The following EPB41L5 variants were observed in gnomAD, a reference collection of about 807,000 sequenced individuals.
EPB41L5 encodes erythrocyte membrane protein band 4.1 like 5.
EPB41L5 carries 55 observed loss-of-function variants against 106.6 expected under a neutral mutation model. The observed-to-expected ratio is 0.52, with a 90% CI of 0.42 to 0.65. The LOEUF is 0.65. Among genes scored for constraint, EPB41L5 ranks in the 30% least tolerant of loss-of-function variants. EPB41L5 has a pLI of 0.00. For synonymous variants in EPB41L5, 297 were observed against 306.7 expected (o/e 0.97, Z 0.33); for missense variants, 871 against 882.1 (o/e 0.99, Z 0.16).
chr2:120,030,338 C>G (rs1055305577), intron 2 of EPB41L5, among the ~76,000 whole-genome samples: 1 of 152,176 alleles, frequency 6.6e-6, no homozygotes, highest in Non-Finnish European at 1.5e-5. Flanking sequence ...GATAACATCA[C>G]TACTGTAAAA....
At position 120,077,091 on chromosome 2, in the gene EPB41L5, GGTATCTGGC is replaced by G; in HGVS notation, c.626+3_626+11del. On this transcript the variant is annotated splice_donor_variant and splice_donor_5th_base_variant and intron_variant, in intron 8 of 24. Coordinates refer to ENST00000263713, the MANE Select transcript of EPB41L5 (RefSeq NM_020909.4). LOFTEE classifies it high-confidence loss of function. Reference sequence around the variant, plus strand: ...ATTTTTGAGAAATGGAAGGAATACAGGTATCTGGCGTTTGACCATACTTTCTTTAAAATC... The same window carrying G: ...ATTTTTGAGAAATGGAAGGAATACAGGTTTGACCATACTTTCTTTAAAATC... 2.5e-6 allele frequency: 4 copies of G among 1,609,138 alleles called. No homozygotes were observed. The highest frequency in any genetic ancestry group is 3.4e-6 in the Non-Finnish European group (4 of 1,178,218).
intron 16 of EPB41L5, among the ~76,000 whole-genome samples, chr2:120,110,722 C>A (rs1684690314): frequency 6.6e-6 from 1 of 151,632 alleles, no homozygotes; most frequent in African/African-American, 2.4e-5. Flanking sequence ...GCAGCCTCCG[C>A]CTCCTGGGTT....
At chr2:120,114,322 G>C (rs1247013874) in intron 16 of EPB41L5, among the ~76,000 whole-genome samples, 1 of 152,140 alleles carries the variant, frequency 6.6e-6, no homozygotes, top group Non-Finnish European at 1.5e-5. Context: ...TGAAACTGTT[G>C]TAATTTTGAC....
chr2:120,117,888 C>T (rs1685023344), intron 16 of EPB41L5, among the ~76,000 whole-genome samples: 1 of 151,922 alleles, frequency 6.6e-6, no homozygotes, highest in Non-Finnish European at 1.5e-5. Context: ...TGGCCTTTTT[C>T]TTCTCTACTT....
chr2:120,139,233 A>T (rs757420382), intron 18 of EPB41L5, among the ~76,000 whole-genome samples: 2 of 152,106 alleles, frequency 1.3e-5, no homozygotes, highest in Non-Finnish European at 2.9e-5. Flanking sequence ...CTAAAAGAAA[A>T]TATTGGAGCA....
At chr2:120,141,132 A>T (rs890543784) in intron 18 of EPB41L5, among the ~76,000 whole-genome samples, 1 of 152,100 alleles carries the variant, frequency 6.6e-6, no homozygotes, top group African/African-American at 2.4e-5. Context: ...GTCACCTGAC[A>T]TGCCTTATGT....
intron 24 of EPB41L5, among the ~76,000 whole-genome samples, chr2:120,172,362 CA>C (rs1687715950): frequency 6.6e-6 from 1 of 152,146 alleles, no homozygotes; most frequent in African/African-American, 2.4e-5. Context: ...TTTAGGAGGT[CA>C]AAGTTAAGAG....
chr2:120,027,137 A>G (rs1365191551), intron 2 of EPB41L5, among the ~76,000 whole-genome samples: 2 of 152,236 alleles, frequency 1.3e-5, no homozygotes, highest in Non-Finnish European at 2.9e-5. Context: ...TGCTTTGGAT[A>G]ATAGTGGGGC....
chr2:120,032,703 C>T (rs776580903), intron 2 of EPB41L5, among the ~76,000 whole-genome samples: 3 of 152,190 alleles, frequency 2.0e-5, no homozygotes, highest in East Asian at 1.9e-4. Flanking sequence ...GTTCACATTT[C>T]CAGGCCCGGT....
At chr2:120,087,377 A>C (rs1683127545) in intron 11 of EPB41L5, 137 bp downstream of exon 11, 3 of 513,756 alleles carry the variant, frequency 5.8e-6, no homozygotes, top group Non-Finnish European at 1.0e-5. Context: ...TGCTTTAAAT[A>C]ATTTCCTTAC....
Position 120,118,013 on chromosome 2 carries a change from A to G in EPB41L5, c.1338-9675A>G, listed in dbSNP as rs189358312. Among the ~76,000 whole-genome samples the G allele has an allele frequency of 6.4e-3, 981 of 152,320 alleles. 10 individuals are homozygous for G. Among genetic ancestry groups the G allele is most frequent in the Non-Finnish European group, 8.0e-3 (542 of 68,024 alleles). ...AGTATTTTTCTGTGCGAAAGTTTTA[A>G]AAGTTTTTATATAAGCAGATTGATC... On this transcript the variant is annotated intron_variant, in intron 16 of 24. Coordinates refer to ENST00000263713, the MANE Select transcript of EPB41L5 (RefSeq NM_020909.4).
chr2:120,109,694 A>G (rs1684632255), intron 16 of EPB41L5, among the ~76,000 whole-genome samples: 1 of 152,296 alleles, frequency 6.6e-6, no homozygotes, highest in East Asian at 1.9e-4. Flanking sequence ...AAAACTTCCT[A>G]AGATAGCTCA....
intron 24 of EPB41L5, among the ~76,000 whole-genome samples, chr2:120,172,137 T>A (rs1257740035): frequency 6.6e-6 from 1 of 151,900 alleles, no homozygotes; most frequent in Non-Finnish European, 1.5e-5. Flanking sequence ...AGATGAAAAC[T>A]GGGAGAGAAA....
chr2:120,148,354 C>T (rs1243623901), intron 20 of EPB41L5, among the ~76,000 whole-genome samples: 1 of 151,960 alleles, frequency 6.6e-6, no homozygotes, highest in Non-Finnish European at 1.5e-5. Flanking sequence ...AAGGTAGAAA[C>T]CTTCATACTC....
At position 120,050,025 on chromosome 2, in the gene EPB41L5, A is replaced by G. The variant is rs552956529; in HGVS notation, c.285+7915A>G. Among the ~76,000 whole-genome samples the G allele has an allele frequency of 1.9e-3, 296 of 152,286 alleles. 1 individual carries two copies. Among genetic ancestry groups the G allele is most frequent in the African/African-American group, 6.5e-3 (270 of 41,556 alleles). ...CTTCTGGCTTGTAGAGTTTCTGCCA[A>G]GAGATCCACTGTTAGTCTGATGGGC... On this transcript the variant is annotated intron_variant, in intron 3 of 24. Transcript: ENST00000263713.
chr2:120,172,288 A>G (rs1687713223), intron 24 of EPB41L5, among the ~76,000 whole-genome samples: 1 of 152,216 alleles, frequency 6.6e-6, no homozygotes, highest in Non-Finnish European at 1.5e-5. Flanking sequence ...TCTAGATTAA[A>G]GAGGTCTGTT....
At chr2:120,136,021 C>G (rs780646988) in intron 18 of EPB41L5, among the ~76,000 whole-genome samples, 1 of 149,746 alleles carries the variant, frequency 6.7e-6, no homozygotes, top group Non-Finnish European at 1.5e-5. Context: ...AAAAATGTAA[C>G]TACAACAACT....
At chr2:120,083,570 G>A (rs1682840392) in intron 10 of EPB41L5, among the ~76,000 whole-genome samples, 1 of 152,160 alleles carries the variant, frequency 6.6e-6, no homozygotes, top group African/African-American at 2.4e-5. Flanking sequence ...TGAGAAGAAT[G>A]TATATTCTGC....
At position 120,175,686 on chromosome 2, in the gene EPB41L5, C is replaced by A. The variant is rs1332199057; in HGVS notation, c.*779C>A. 1 of 152,066 alleles carries A rather than the reference C, an allele frequency of 6.6e-6. No homozygotes were observed. Among genetic ancestry groups the A allele is most frequent in the Non-Finnish European group, 1.5e-5 (1 of 68,040 alleles). 9.4% of individuals were successfully genotyped at this position (152,066 alleles called of 1,614,324 possible). ...GTGGGGTGGGTTACTGTTGAAGAGA[C>A]CCTGGGGCATTTACCTCAGGCATCT... is the stretch of plus-strand genomic sequence containing the variant. On this transcript the variant is annotated 3_prime_UTR_variant, in exon 25 of 25. Coordinates refer to ENST00000263713, the MANE Select transcript of EPB41L5 (RefSeq NM_020909.4).
Sources: gnomAD v4.1 joint callset for allele counts (sites outside exome capture counted in the v4.1 genomes callset) on GRCh38, gnomAD v4.1.1 for gene constraint, MANE v1.5 for transcripts, NCBI Gene and HGNC (gene_info 2026-07-23, HGNC 2026-07-21) for gene names.